Variants in FBXL17 observed in about 807,000 individuals in gnomAD.
FBXL17 encodes the protein F-box and leucine rich repeat protein 17.
Under a neutral mutation model 66.2 loss-of-function variants are expected in FBXL17, and 22 were observed. The ratio of observed to expected loss-of-function variants is 0.33; its 90% CI spans 0.24 to 0.47. The LOEUF (loss-of-function observed/expected upper bound fraction) is 0.47, where lower values mean the gene tolerates loss of function less well. Among genes scored for constraint, FBXL17 ranks in the 20% least tolerant of loss-of-function variants. The pLI, the probability that FBXL17 is intolerant of heterozygous loss-of-function variation, is 1.00. For missense variants in FBXL17, 878 were observed against 948.2 expected, an observed-to-expected ratio of 0.93 and a Z score of 0.97; for synonymous variants, 474 against 400.5, an observed-to-expected ratio of 1.18 and a Z score of -2.19.
rs549233678 is a variant in FBXL17 at position 107,883,627 on chromosome 5, C to T, written c.1823-2448G>A. On this transcript the variant is annotated intron_variant, in intron 7 of 8. Coordinates refer to ENST00000542267, the MANE Select transcript of FBXL17 (RefSeq NM_001163315.3). ...GAACTGATCACCCTAGCATTTATTG[C>T]TATTGGGAATGTTATTATTTGTTTA... is the stretch of plus-strand genomic sequence containing the variant. 5.3e-5 allele frequency among the ~76,000 whole-genome samples: 8 copies of T among 152,284 alleles called. No individual in the cohort carries two copies. In the East Asian group the frequency reaches 7.7e-4, roughly 15 times the overall value.
chr5:107,866,829 G>C (rs1314247201), intron 8 of FBXL17, among the ~76,000 whole-genome samples: 1 of 152,104 alleles, frequency 6.6e-6, no homozygotes, highest in Non-Finnish European at 1.5e-5. Context: ...ACCACTTAAA[G>C]TTCCTGACAA....
chr5:108,139,500 T>G (rs1213408876), intron 6 of FBXL17, among the ~76,000 whole-genome samples: 2 of 152,152 alleles, frequency 1.3e-5, no homozygotes, highest in African/African-American at 2.4e-5. Context: ...CCGATGCCAC[T>G]ACAAATTTAT....
At chr5:107,994,814 GGA>G (rs1294388011) in intron 7 of FBXL17, among the ~76,000 whole-genome samples, 2 of 151,928 alleles carry the variant, frequency 1.3e-5, no homozygotes, top group Non-Finnish European at 2.9e-5. Flanking sequence ...CTCCAGCCTG[GGA>G]GAGAGAGAGT....
At chr5:108,037,137 T>C (rs7731562) in intron 6 of FBXL17, among the ~76,000 whole-genome samples, 21,038 of 152,048 alleles carry the variant, frequency 0.14, 1,577 homozygotes, top group East Asian at 0.17. Context: ...CTATGCTAGG[T>C]AAGACAAAAG....
intron 6 of FBXL17, among the ~76,000 whole-genome samples, chr5:108,055,041 G>A (rs993984804): frequency 1.3e-5 from 2 of 152,014 alleles, no homozygotes; most frequent in African/African-American, 4.8e-5. Flanking sequence ...ACTCTTGAAT[G>A]CCAAGCATGT....
chr5:108,323,844 C>T (rs1032495830), intron 4 of FBXL17, among the ~76,000 whole-genome samples: 1 of 151,984 alleles, frequency 6.6e-6, no homozygotes, highest in African/African-American at 2.4e-5. Flanking sequence ...GAAAGGGCAG[C>T]CTTTTCAACA....
At chr5:108,025,702 CAA>C (rs1358211914) in intron 6 of FBXL17, among the ~76,000 whole-genome samples, 14 of 126,146 alleles carry the variant, frequency 1.1e-4, no homozygotes, top group African/African-American at 5.2e-4. Context: ...CACACACACA[CAA>C]ACACACACAC....
At chr5:108,258,419 A>G (rs761322187) in intron 4 of FBXL17, among the ~76,000 whole-genome samples, 6 of 152,186 alleles carry the variant, frequency 3.9e-5, no homozygotes, top group South Asian at 4.1e-4. Context: ...ACTTAAAAGG[A>G]ACAAAGTTAG....
At chr5:108,154,678 T>C (rs1409754679) in intron 6 of FBXL17, among the ~76,000 whole-genome samples, 8 of 143,214 alleles carry the variant, frequency 5.6e-5, no homozygotes, top group African/African-American at 1.5e-4. Flanking sequence ...TATGTGTATA[T>C]ATATACACAT....
intron 5 of FBXL17, among the ~76,000 whole-genome samples, chr5:108,222,895 G>C (rs1026108962): frequency 1.3e-5 from 2 of 151,784 alleles, no homozygotes; most frequent in Admixed American, 1.3e-4. Context: ...GCTGATTTCA[G>C]ACTCCTGGCC....
rs375193886 is a variant in FBXL17 at position 108,090,823 on chromosome 5, G to A, written c.1746-69822C>T. Among the ~76,000 whole-genome samples the A allele has an allele frequency of 7.9e-5, 12 of 152,272 alleles. No homozygotes were observed. In the South Asian group the frequency reaches 2.3e-3, roughly 29 times the overall value. On this transcript the variant is annotated intron_variant, in intron 6 of 8. Coordinates refer to ENST00000542267, the MANE Select transcript of FBXL17 (RefSeq NM_001163315.3). ...CCTCTATCTCACAAGACTTACCGGG[G>A]TTTCTCAGAGCACATACCTTGGAAA...
rs144115275 is a variant in FBXL17, at chr5:108,150,820, C to T, written c.1745+35297G>A. On this transcript the variant is annotated intron_variant, in intron 6 of 8. Coordinates refer to ENST00000542267, the MANE Select transcript of FBXL17 (RefSeq NM_001163315.3). The stretch of plus-strand genomic sequence containing the variant: ...ATTATTGGTGGTGATATCTGATCAA[C>T]TGATTAAGCTGCTATCTGCTGGATT... 3.1e-3 allele frequency among the ~76,000 whole-genome samples: 477 copies of T among 152,298 alleles called. 3 individuals are homozygous for T. The highest frequency in any genetic ancestry group is 0.011 in the African/African-American group (461 of 41,558).
chr5:107,907,276 TG>T (rs1749792721), intron 7 of FBXL17, among the ~76,000 whole-genome samples: 1 of 152,152 alleles, frequency 6.6e-6, no homozygotes, highest in Non-Finnish European at 1.5e-5. Context: ...ATGATCTAAA[TG>T]GGGAAGCTCT....
Position 107,980,664 on chromosome 5 carries a change from A to ATATATATATATATATATATATTTTTT in FBXL17, c.1822+40260_1822+40261insAAAAAATATATATATATATATATATA. Among the ~76,000 whole-genome samples, 13 of 62,050 alleles carry ATATATATATATATATATATATTTTTT rather than the reference A, an allele frequency of 2.1e-4. 1 individual carries two copies. In the East Asian group the frequency reaches 3.2e-3, roughly 15 times the overall value. 40.7% of individuals were successfully genotyped at this position (62,050 alleles called of 152,430 possible). A position where few individuals can be genotyped will look rare whatever the true frequency, so the allele number is the denominator to read the frequency against. ...TAAAATAATATATATATATATATAT[A>ATATATATATATATATATATATTTTTT]TTTTTTTTTTGAGATGGAGTCTTGC... On this transcript the variant is annotated intron_variant, in intron 7 of 8. Coordinates refer to ENST00000542267, the MANE Select transcript of FBXL17 (RefSeq NM_001163315.3).
At chr5:108,232,805 A>ATATATATATATATATATATATATAT (rs70996987) in intron 4 of FBXL17, among the ~76,000 whole-genome samples, 13 of 105,154 alleles carry the variant, frequency 1.2e-4, no homozygotes, top group Admixed American at 1.9e-4. Flanking sequence ...ATATATATAT[A>ATATATATATATATATATATATATAT]ATATATACTA....
At chr5:108,335,256 G>A (rs573058462) in intron 4 of FBXL17, among the ~76,000 whole-genome samples, 1 of 113,298 alleles carries the variant, frequency 8.8e-6, no homozygotes, top group South Asian at 2.9e-4. Flanking sequence ...AACAATATAT[G>A]GCTCATTATC....
chr5:108,062,976 A>C (rs1385741055), intron 6 of FBXL17, among the ~76,000 whole-genome samples: 1 of 151,904 alleles, frequency 6.6e-6, no homozygotes, highest in Non-Finnish European at 1.5e-5. Flanking sequence ...GTTGCTGGTC[A>C]CTTCTTATAT....
chr5:108,033,313 C>A (rs1260436662), intron 6 of FBXL17, among the ~76,000 whole-genome samples: 1 of 152,144 alleles, frequency 6.6e-6, no homozygotes, highest in Non-Finnish European at 1.5e-5. Context: ...GCATACACAT[C>A]ATAAACTACA....
intron 7 of FBXL17, among the ~76,000 whole-genome samples, chr5:107,955,857 G>C (rs1751646394): frequency 6.6e-6 from 1 of 152,112 alleles, no homozygotes; most frequent in South Asian, 2.1e-4. Context: ...AAAGTGTCAA[G>C]AGAAAGGTTC....
Sources: gnomAD v4.1 joint callset for allele counts (sites outside exome capture counted in the v4.1 genomes callset) on GRCh38, gnomAD v4.1.1 for gene constraint, MANE v1.5 for transcripts, NCBI Gene and HGNC (gene_info 2026-07-23, HGNC 2026-07-21) for gene names.